OPTN: variants seen among roughly 807,000 people sequenced by gnomAD.
OPTN encodes E3-14.7K-interacting protein.
In OPTN, 54 loss-of-function variants were observed where a neutral mutation model predicts 70.4. The ratio of observed to expected loss-of-function variants is 0.77; its 90% CI spans 0.62 to 0.96. The LOEUF (loss-of-function observed/expected upper bound fraction) is 0.96. OPTN is among the 40% of genes least tolerant of loss of function. OPTN has a pLI of 0.00. For synonymous variants in OPTN, 256 were observed against 248.5 expected, an observed-to-expected ratio of 1.03 and a Z score of -0.28; for missense variants, 624 against 673.2, an observed-to-expected ratio of 0.93 and a Z score of 0.81.
chr10:13,112,722 A>G (rs1040792405), intron 5 of OPTN, 87 bp downstream of exon 5: 10 of 1,331,378 alleles, frequency 7.5e-6, no homozygotes, highest in African/African-American at 2.9e-5. Flanking sequence ...TCTTGTCAAC[A>G]CAAGCCAAGG....
rs75671979 is a variant in OPTN at position 13,119,314 on chromosome 10, G to T, written c.779+274G>T. Among the ~76,000 whole-genome samples the T allele has an allele frequency of 0.025, 3,766 of 152,262 alleles. 123 individuals are homozygous for T. Among genetic ancestry groups the T allele is most frequent in the African/African-American group, 0.083 (3,452 of 41,536 alleles). On this transcript the variant is annotated intron_variant, in intron 7 of 14. Transcript: ENST00000378747. ...TATAAATGGAATTATACAGTCTGTG[G>T]TTTTTTGTGACTGGCTTCTTTCACG...
At chr10:13,106,610 G>A (rs1832870290) in intron 1 of OPTN, among the ~76,000 whole-genome samples, 1 of 152,210 alleles carries the variant, frequency 6.6e-6, no homozygotes, top group African/African-American at 2.4e-5. Flanking sequence ...GTCACAGGGT[G>A]TGGTAGGTAG....
chr10:13,116,466 T>C, intron 6 of OPTN, 126 bp downstream of exon 6: 1 of 737,340 alleles, frequency 1.4e-6, no homozygotes, highest in Middle Eastern at 2.4e-4. Context: ...TACCAGGATC[T>C]TTCCAGAATA....
At chr10:13,122,548 T>C (rs1432157327) in intron 8 of OPTN, 61 bp downstream of exon 8, 1 of 1,085,934 alleles carries the variant, frequency 9.2e-7, no homozygotes, top group African/African-American at 1.5e-5. Context: ...GTCCAGCCAC[T>C]GAATTCAAAT....
intron 6 of OPTN, among the ~76,000 whole-genome samples, chr10:13,117,132 G>C (rs1055480150): frequency 1.4e-5 from 2 of 146,044 alleles, no homozygotes; most frequent in African/African-American, 2.5e-5. Flanking sequence ...CCAGGCTGGA[G>C]TGCAGTGGCG....
intron 1 of OPTN, chr10:13,104,504 T>C (rs1035797783): frequency 1.1e-5 from 4 of 360,154 alleles, no homozygotes; most frequent in African/African-American, 2.1e-5. Flanking sequence ...GACCTAACTT[T>C]TACATCATAG....
At chr10:13,127,928 C>G (rs1483618173) in intron 12 of OPTN, 25 bp downstream of exon 12, 2 of 1,613,364 alleles carry the variant, frequency 1.2e-6, no homozygotes, top group Non-Finnish European at 1.7e-6. Context: ...AAAACCCCAG[C>G]TGAGCGAGGC....
chr10:13,129,719 AC>A (rs1035467525), intron 12 of OPTN, among the ~76,000 whole-genome samples: 9 of 152,180 alleles, frequency 5.9e-5, no homozygotes, highest in Admixed American at 5.2e-4. Flanking sequence ...AAACTGCCTA[AC>A]CAAAATTATA....
rs111744244 is a variant in OPTN at position 13,108,910 on chromosome 10, G to GCGCACACACA, written c.-11-201_-11-200insGCACACACAC. The GCGCACACACA allele has an allele frequency of 1.4e-5, 8 of 589,762 alleles. No individual in the cohort carries two copies. In the African/African-American group the frequency reaches 1.5e-4, roughly 11 times the overall value. The allele number at this position is 589,762 out of a possible 1,614,324, so 36.5% of individuals were successfully genotyped here. On this transcript the variant is annotated intron_variant, in intron 2 of 14. Transcript: ENST00000378747. ...CACACACACATGCACACATGCGCGTGCACACACACACACACTTTTCTGAAG... is the reference window on the plus strand; with the variant it reads ...CACACACACATGCACACATGCGCGTGCGCACACACACACACACACACACACTTTTCTGAAG...
In OPTN at chr10:13,136,852, GATTGCATC is replaced by G; in HGVS notation, c.1724_1731del (p.Cys575LeufsTer13). ...AGACACGTTACAGATTCACGTGATG[GATTGCATC>G]ATTTAAGTGTTGATGTATCACCTCC... On this transcript the variant is annotated frameshift_variant, in exon 15 of 15. Coordinates refer to ENST00000378747, the MANE Select transcript of OPTN (RefSeq NM_001008212.2). LOFTEE classifies it high-confidence loss of function. The G allele has an allele frequency of 4.3e-6, 7 of 1,614,204 alleles. No homozygotes were observed. Among genetic ancestry groups the G allele is most frequent in the Non-Finnish European group, 5.9e-6 (7 of 1,180,030 alleles).
intron 10 of OPTN, 76 bp from the exon 11 acceptor site, chr10:13,125,870 G>T: frequency 9.2e-7 from 1 of 1,088,164 alleles, no homozygotes; most frequent in South Asian, 1.3e-5. Context: ...GGAGTGTTCA[G>T]AAGGTTGGGA....
intron 1 of OPTN, among the ~76,000 whole-genome samples, chr10:13,101,222 G>A (rs1311157903): frequency 6.6e-6 from 1 of 152,220 alleles, no homozygotes; most frequent in Non-Finnish European, 1.5e-5. Context: ...CCTGTAGACA[G>A]AGGACGATCA....
At chr10:13,109,334 A>C in intron 3 of OPTN, 46 bp downstream of exon 3, 2 of 1,598,438 alleles carry the variant, frequency 1.3e-6, no homozygotes. Context: ...CTGGGCCTGC[A>C]AGAAATGCCA....
At position 13,137,093 on chromosome 10, in the gene OPTN, A is replaced by G. The variant is rs548840727; in HGVS notation, c.*227A>G. ...TCAGGGTTTGAGACCAGCCTGGCCA[A>G]CATGGCGGAACCCTGTCTCTACCAA... On this transcript the variant is annotated 3_prime_UTR_variant, in exon 15 of 15. Coordinates refer to ENST00000378747, the MANE Select transcript of OPTN (RefSeq NM_001008212.2). 1 of 539,274 alleles carries G rather than the reference A, an allele frequency of 1.9e-6. No homozygotes were observed. The highest frequency in any genetic ancestry group is 1.9e-5 in the South Asian group (1 of 52,290). 33.4% of individuals were successfully genotyped at this position (539,274 alleles called of 1,614,324 possible). A position where few individuals can be genotyped will look rare whatever the true frequency, so the allele number is the denominator to read the frequency against.
At chr10:13,109,497 T>G (rs1031775605) in intron 3 of OPTN, 3 of 571,932 alleles carry the variant, frequency 5.2e-6, no homozygotes, top group Non-Finnish European at 9.4e-6. Context: ...TGTGTGTATC[T>G]CAAGGAAGTA....
Position 13,108,165 on chromosome 10 carries a change from C to T in OPTN, c.-136C>T, listed in dbSNP as rs185323491. ...GTGGCTTTGATAGCTGGTGGTGCCA[C>T]TTCCTGGCCTTGGATGAGCCGTACG... is the stretch of plus-strand genomic sequence containing the variant. On this transcript the variant is annotated 5_prime_UTR_variant, in exon 2 of 15. Coordinates refer to ENST00000378747, the MANE Select transcript of OPTN (RefSeq NM_001008212.2). 8.1e-4 allele frequency: 124 copies of T among 152,338 alleles called. No homozygotes were observed. Among genetic ancestry groups the T allele is most frequent in the African/African-American group, 2.8e-3 (117 of 41,554 alleles). The allele number at this position is 152,338 out of a possible 1,614,324, so 9.4% of individuals were successfully genotyped here.
intron 4 of OPTN, among the ~76,000 whole-genome samples, chr10:13,111,496 G>T (rs945899386): frequency 6.6e-6 from 1 of 151,918 alleles, no homozygotes; most frequent in Non-Finnish European, 1.5e-5. Flanking sequence ...TGAGGAGTTC[G>T]AGACCAGCCT....
At chr10:13,107,999 C>T (rs1246973748) in intron 1 of OPTN, 139 bp from the exon 2 acceptor site, 1 of 152,108 alleles carries the variant, frequency 6.6e-6, no homozygotes, top group African/African-American at 2.4e-5. Flanking sequence ...ACATGGATGC[C>T]TCTACAAAAC....
At chr10:13,113,687 G>A (rs561744942) in intron 5 of OPTN, among the ~76,000 whole-genome samples, 249 of 152,314 alleles carry the variant, frequency 1.6e-3, no homozygotes, top group South Asian at 6.4e-3. Context: ...ATTAGACAGG[G>A]AGAAAGATAG....
Sources: allele counts gnomAD v4.1 joint callset (sites outside exome capture counted in the v4.1 genomes callset), GRCh38; gene constraint gnomAD v4.1.1; transcripts MANE v1.5; gene names NCBI Gene and HGNC (gene_info 2026-07-23, HGNC 2026-07-21).